TAF3: variants seen among roughly 807,000 people sequenced by gnomAD.
The protein encoded by TAF3 is transcription initiation factor TFIID subunit 3.
A neutral mutation model predicts 80.6 loss-of-function variants in TAF3; 7 were observed. The observed-to-expected ratio is 0.09, with a 90% CI of 0.05 to 0.16. The LOEUF (loss-of-function observed/expected upper bound fraction) is 0.16. Among genes scored for constraint, TAF3 ranks in the 10% least tolerant of loss-of-function variants. The pLI is 1.00. For synonymous variants in TAF3, 444 were observed against 446.1 expected (o/e 1.00, Z 0.06); for missense variants, 921 against 1,140.2 (o/e 0.81, Z 2.77).
chr10:7,942,923 T>G (rs1837989716), intron 2 of TAF3, among the ~76,000 whole-genome samples: 1 of 152,260 alleles, frequency 6.6e-6, no homozygotes, highest in South Asian at 2.1e-4. Context: ...GTAGGCTGTC[T>G]GTGCAGGTCT....
chr10:7,976,983 T>G (rs894423634), intron 3 of TAF3, among the ~76,000 whole-genome samples: 1 of 152,180 alleles, frequency 6.6e-6, no homozygotes, highest in African/African-American at 2.4e-5. Context: ...ACAATATAAT[T>G]AAGTCCAAAA....
chr10:7,881,262 A>C (rs2151013), intron 2 of TAF3, among the ~76,000 whole-genome samples: 52,551 of 151,076 alleles, frequency 0.35, 10,426 homozygotes, highest in Admixed American at 0.48. Context: ...CAAAAAAAAA[A>C]CCCACAAGCT....
intron 2 of TAF3, among the ~76,000 whole-genome samples, chr10:7,895,779 G>T (rs939495172): frequency 6.6e-6 from 1 of 152,162 alleles, no homozygotes; most frequent in African/African-American, 2.4e-5. Flanking sequence ...GAGGATGACA[G>T]TATCTGTTTC....
chr10:7,861,200 G>A (rs772461410), intron 2 of TAF3, among the ~76,000 whole-genome samples: 19 of 152,084 alleles, frequency 1.2e-4, no homozygotes, highest in South Asian at 6.2e-4. Flanking sequence ...TCCTGACCTC[G>A]TGATCCGCCC....
intron 2 of TAF3, among the ~76,000 whole-genome samples, chr10:7,928,444 T>A (rs966320575): frequency 6.6e-6 from 1 of 152,234 alleles, no homozygotes; most frequent in African/African-American, 2.4e-5. Flanking sequence ...AAAAATGCCA[T>A]TTTAATGCAT....
intron 2 of TAF3, among the ~76,000 whole-genome samples, chr10:7,866,011 T>C (rs963836186): frequency 6.6e-6 from 1 of 152,206 alleles, no homozygotes; most frequent in African/African-American, 2.4e-5. Flanking sequence ...CAATAGCATA[T>C]CCTGTAGCTC....
At chr10:7,875,491 C>T (rs1392999272) in intron 2 of TAF3, among the ~76,000 whole-genome samples, 1 of 152,080 alleles carries the variant, frequency 6.6e-6, no homozygotes, top group African/African-American at 2.4e-5. Context: ...CCAAGAGGTA[C>T]AGAAGGATGT....
chr10:7,939,874 A>G (rs1257380418), intron 2 of TAF3, among the ~76,000 whole-genome samples: 2 of 152,210 alleles, frequency 1.3e-5, no homozygotes, highest in South Asian at 2.1e-4. Context: ...TCCTAAGAAG[A>G]GAGAACAATG....
intron 4 of TAF3, among the ~76,000 whole-genome samples, chr10:8,007,996 A>C (rs918740219): frequency 6.6e-6 from 1 of 151,896 alleles, no homozygotes; most frequent in African/African-American, 2.4e-5. Context: ...GCAGGGTCAC[A>C]GTACCACAGC....
chr10:7,826,797 A>G (rs1037033294), intron 2 of TAF3, among the ~76,000 whole-genome samples: 1 of 152,232 alleles, frequency 6.6e-6, no homozygotes, highest in African/African-American at 2.4e-5. Context: ...TTTGGTTACC[A>G]TTTAAAAATA....
intron 2 of TAF3, among the ~76,000 whole-genome samples, chr10:7,853,101 T>C (rs940123193): frequency 6.6e-6 from 1 of 152,154 alleles, no homozygotes; most frequent in African/African-American, 2.4e-5. Context: ...TGAGAGTGAG[T>C]TGGCAAATGT....
At position 7,965,703 on chromosome 10, in the gene TAF3, G is replaced by A. The variant is rs778578419; in HGVS notation, c.2193G>A (p.Glu731=). 6 of 1,557,240 alleles carry A rather than the reference G, an allele frequency of 3.9e-6. No individual in the cohort carries two copies. Among genetic ancestry groups the A allele is most frequent in the Non-Finnish European group, 4.3e-6 (5 of 1,162,018 alleles). ...KEREKEKRER[E]KREKEKEKHK... is the part of the protein sequence containing the mutation. ...GAGAGAAAGAGAAGAGAGAGCGAGA[G>A]AAGAGAGAAAAAGAGAAGGAGAAAC... The change falls in exon 3 of 7, where the codon GAG becomes GAA. Residue 731 remains glutamate, a synonymous_variant. Coordinates refer to ENST00000344293, the MANE Select transcript of TAF3 (RefSeq NM_031923.4).
intron 2 of TAF3, among the ~76,000 whole-genome samples, chr10:7,833,052 G>T (rs58524937): frequency 0.17 from 25,879 of 152,112 alleles, 2,658 homozygotes; most frequent in East Asian, 0.52. Flanking sequence ...GCTATTAAAG[G>T]CTGAATAGTA....
chr10:7,979,110 C>T (rs1046205669), intron 4 of TAF3, among the ~76,000 whole-genome samples: 16 of 151,776 alleles, frequency 1.1e-4, no homozygotes, highest in Non-Finnish European at 2.1e-4. Flanking sequence ...TTTGGGAGGC[C>T]GAGGCAGGTG....
intron 2 of TAF3, among the ~76,000 whole-genome samples, chr10:7,896,893 A>T (rs1307859238): frequency 3.3e-5 from 5 of 152,156 alleles, no homozygotes; most frequent in Non-Finnish European, 5.9e-5. Flanking sequence ...CCCAGTTGGA[A>T]GGCCCTTTTC....
At chr10:7,955,557 T>G (rs1386576569) in intron 2 of TAF3, among the ~76,000 whole-genome samples, 1 of 152,266 alleles carries the variant, frequency 6.6e-6, no homozygotes, top group Non-Finnish European at 1.5e-5. Flanking sequence ...GTGTAGTTAG[T>G]CAGATAAAAA....
chr10:7,836,293 CTT>C (rs34253534), intron 2 of TAF3, among the ~76,000 whole-genome samples: 271 of 132,484 alleles, frequency 2.0e-3, no homozygotes, highest in Middle Eastern at 7.6e-3. Context: ...TTTTTTCTTT[CTT>C]TTTTTTTTTT....
intron 2 of TAF3, among the ~76,000 whole-genome samples, chr10:7,946,116 G>T (rs1454240725): frequency 6.6e-6 from 1 of 152,104 alleles, no homozygotes; most frequent in Non-Finnish European, 1.5e-5. Context: ...CTACACAGCT[G>T]CTAGAGTCAT....
At chr10:7,957,697 A>G (rs1460446736) in intron 2 of TAF3, among the ~76,000 whole-genome samples, 1 of 152,092 alleles carries the variant, frequency 6.6e-6, no homozygotes, top group East Asian at 1.9e-4. Context: ...TCAGAACACT[A>G]AAATAACAGA....
Sources: allele counts gnomAD v4.1 joint callset (sites outside exome capture counted in the v4.1 genomes callset), GRCh38; gene constraint gnomAD v4.1.1; transcripts MANE v1.5; gene names NCBI Gene and HGNC (gene_info 2026-07-23, HGNC 2026-07-21).